Variants in SPAST observed in about 807,000 individuals in gnomAD.
SPAST encodes spastic paraplegia 4 (autosomal dominant; spastin).
SPAST carries 30 observed loss-of-function variants against 76.6 expected under a neutral mutation model. That is an observed-to-expected ratio of 0.39 (90% CI 0.29 to 0.53). The LOEUF is 0.53. Among genes scored for constraint, SPAST ranks in the 20% least tolerant of loss-of-function variants. The pLI, the probability that SPAST is intolerant of heterozygous loss-of-function variation, is 0.68. For synonymous variants in SPAST, 305 were observed against 281.0 expected (o/e 1.09, Z -0.86); for missense variants, 717 against 770.5 (o/e 0.93, Z 0.82).
intron 4 of SPAST, among the ~76,000 whole-genome samples, chr2:32,104,894 A>T (rs558464456): frequency 5.3e-4 from 80 of 151,998 alleles, no homozygotes; most frequent in African/African-American, 1.7e-3. Flanking sequence ...ATTTTTTCCT[A>T]CATTTCAACT....
At chr2:32,140,515 T>A (rs1679681054) in intron 12 of SPAST, among the ~76,000 whole-genome samples, 1 of 151,974 alleles carries the variant, frequency 6.6e-6, no homozygotes. Context: ...TCCCAGCTAC[T>A]CAGGAGGCTG....
At chr2:32,096,995 G>A (rs1202352949) in intron 3 of SPAST, among the ~76,000 whole-genome samples, 1 of 152,170 alleles carries the variant, frequency 6.6e-6, no homozygotes, top group Non-Finnish European at 1.5e-5. Flanking sequence ...CTGTCCCAAA[G>A]GCATGTGTGG....
At chr2:32,091,449 G>A (rs979267142) in intron 3 of SPAST, among the ~76,000 whole-genome samples, 9 of 150,746 alleles carry the variant, frequency 6.0e-5, no homozygotes, top group Non-Finnish European at 1.2e-4. Context: ...CCTAATTTTT[G>A]TATTTTTAGT....
At position 32,063,943 on chromosome 2, in the gene SPAST, C is replaced by G. The variant is rs1219971550; in HGVS notation, c.112C>G (p.Pro38Ala). The G allele has an allele frequency of 3.7e-6, 6 of 1,607,718 alleles. No individual in the cohort carries two copies. Among genetic ancestry groups the G allele is most frequent in the Non-Finnish European group, 5.1e-6 (6 of 1,177,078 alleles). The change falls in exon 1 of 17, where the codon CCG becomes GCG. Residue 38 changes from proline to alanine, a missense_variant. By Grantham distance (27) the Pro-to-Ala change is conservative. Transcript: ENST00000315285. Reference protein sequence around the residue: ...CLAPAPPAAGPAPPPESPHKR... With the variant: ...CLAPAPPAAGAAPPPESPHKR... ...GGCCCCCGCCCCTCCCGCCGCCGGG[C>G]CGGCCCCTCCGCCCGAGTCGCCGCA...
At chr2:32,083,762 A>ATTTTTTTTTTTTTTTTTT in intron 1 of SPAST, among the ~76,000 whole-genome samples, 1 of 43,018 alleles carries the variant, frequency 2.3e-5, no homozygotes, top group East Asian at 5.9e-4. Flanking sequence ...ATATATATAT[A>ATTTTTTTTTTTTTTTTTT]TATATATATA....
intron 4 of SPAST, among the ~76,000 whole-genome samples, 199 bp from the exon 5 acceptor site, chr2:32,114,439 A>G (rs978249389): frequency 1.3e-5 from 2 of 152,140 alleles, no homozygotes; most frequent in Non-Finnish European, 2.9e-5. Context: ...CGTTAGGGGG[A>G]AAAAACCTAA....
intron 12 of SPAST, among the ~76,000 whole-genome samples, chr2:32,139,673 C>G (rs183386614): frequency 1.3e-5 from 2 of 151,562 alleles, no homozygotes; most frequent in South Asian, 2.1e-4. Context: ...ACTAAAAATA[C>G]AAAAAATTAG....
At chr2:32,083,305 T>C (rs1677313420) in intron 1 of SPAST, among the ~76,000 whole-genome samples, 1 of 152,050 alleles carries the variant, frequency 6.6e-6, no homozygotes, top group Non-Finnish European at 1.5e-5. Flanking sequence ...CATGTACAGG[T>C]CTTAGAAGTT....
Position 32,121,535 on chromosome 2 carries a change from C to CTTTT in SPAST, c.1098+5343_1098+5346dup, listed in dbSNP as rs34519148. Among the ~76,000 whole-genome samples the CTTTT allele has an allele frequency of 9.5e-4, 98 of 102,724 alleles. 1 individual carries two copies. The highest frequency in any genetic ancestry group is 3.3e-3 in the African/African-American group (88 of 26,578). 67.4% of individuals were successfully genotyped at this position (102,724 alleles called of 152,430 possible). On this transcript the variant is annotated intron_variant, in intron 7 of 16. Transcript: ENST00000315285. ...AAGTTTTTTTGTTTCATCTTTCTCACTTTTTTTTTTTTTTTTTTTTTTTAA... is the reference window on the plus strand; with the variant it reads ...AAGTTTTTTTGTTTCATCTTTCTCACTTTTTTTTTTTTTTTTTTTTTTTTTTTAA...
chr2:32,088,088 A>G (rs1258798909), intron 2 of SPAST, among the ~76,000 whole-genome samples: 3 of 151,894 alleles, frequency 2.0e-5, no homozygotes, highest in Non-Finnish European at 4.4e-5. Flanking sequence ...GGGTTTTGCC[A>G]CGTTGGCCAG....
intron 1 of SPAST, among the ~76,000 whole-genome samples, chr2:32,073,086 T>TGTG (rs1362296944): frequency 6.6e-6 from 1 of 152,036 alleles, no homozygotes; most frequent in Non-Finnish European, 1.5e-5. Flanking sequence ...GCTGGTTTGT[T>TGTG]GTTGTATTTT....
chr2:32,063,746 C>A lies in SPAST; in HGVS notation c.-86C>A. ...CGGGCACACGGGGGTCTGTGGCCCC[C>A]GCCGTAGCAGTGGCTGCCGCCGTCG... On this transcript the variant is annotated 5_prime_UTR_variant, in exon 1 of 17. Transcript: ENST00000315285. 6.6e-7 allele frequency: 1 copy of A among 1,507,662 alleles called. No individual in the cohort carries two copies. Among genetic ancestry groups the A allele is most frequent in the African/African-American group, 1.4e-5 (1 of 72,206 alleles). 93.4% of individuals were successfully genotyped at this position (1,507,662 alleles called of 1,614,324 possible).
intron 12 of SPAST, among the ~76,000 whole-genome samples, chr2:32,139,144 T>G (rs79921196): frequency 0.03 from 4,635 of 152,346 alleles, 105 homozygotes; most frequent in Middle Eastern, 0.075. Context: ...TTGGACTCTT[T>G]TTTTGCTTCC....
intron 7 of SPAST, among the ~76,000 whole-genome samples, chr2:32,117,659 G>A (rs1321467147): frequency 6.6e-6 from 1 of 151,252 alleles, no homozygotes; most frequent in Non-Finnish European, 1.5e-5. Flanking sequence ...ATCCTCCTGA[G>A]TAGCTGGGTC....
chr2:32,088,883 T>C (rs947347487), intron 2 of SPAST, among the ~76,000 whole-genome samples: 1 of 152,184 alleles, frequency 6.6e-6, no homozygotes, highest in African/African-American at 2.4e-5. Context: ...ATGTTGTGAC[T>C]GCAGCATGGT....
At chr2:32,078,535 A>G (rs1429982386) in intron 1 of SPAST, among the ~76,000 whole-genome samples, 1 of 152,176 alleles carries the variant, frequency 6.6e-6, no homozygotes, top group Non-Finnish European at 1.5e-5. Flanking sequence ...CTCTAGTCCC[A>G]GCTACTCAGA....
chr2:32,150,239 ATTTTT>A (rs11363493), intron 16 of SPAST, among the ~76,000 whole-genome samples: 15 of 66,568 alleles, frequency 2.3e-4, no homozygotes, highest in African/African-American at 8.0e-4. Context: ...CGCCCAGCTA[ATTTTT>A]TTTTTTTTTT....
chr2:32,140,776 A>T, intron 12 of SPAST, among the ~76,000 whole-genome samples: 1 of 151,954 alleles, frequency 6.6e-6, no homozygotes, highest in East Asian at 1.9e-4. Flanking sequence ...AGGATAAAAA[A>T]AATTAAATTT....
intron 3 of SPAST, among the ~76,000 whole-genome samples, chr2:32,090,309 A>T (rs1005367517): frequency 3.3e-5 from 5 of 152,062 alleles, no homozygotes; most frequent in Non-Finnish European, 7.4e-5. Flanking sequence ...TGCCCTCAAA[A>T]CCTAACATAT....
Sources: gnomAD v4.1 joint callset for allele counts (sites outside exome capture counted in the v4.1 genomes callset) on GRCh38, gnomAD v4.1.1 for gene constraint, MANE v1.5 for transcripts, NCBI Gene and HGNC (gene_info 2026-07-23, HGNC 2026-07-21) for gene names.